MAF: variants seen among roughly 807,000 people sequenced by gnomAD.
MAF encodes transcription factor Maf.
Under a neutral mutation model 22.0 loss-of-function variants are expected in MAF, and 10 were observed. The ratio of observed to expected loss-of-function variants is 0.45; its 90% confidence interval spans 0.28 to 0.77. The LOEUF (loss-of-function observed/expected upper bound fraction) is 0.77, where lower values mean the gene tolerates loss of function less well. MAF is among the 30% of genes least tolerant of loss of function. The pLI, the probability that MAF is intolerant of heterozygous loss-of-function variation, is 0.12. For missense variants in MAF, 544 were observed against 548.4 expected (o/e 0.99, Z 0.08); for synonymous variants, 337 against 255.8 (o/e 1.32, Z -3.03).
At chr16:79,517,052 G>T in the MAF span, among the ~76,000 whole-genome samples, 19 of 152,112 alleles carry the variant, frequency 1.2e-4, no homozygotes, top group African/African-American at 3.6e-4. Context: ...CAGGACCATA[G>T]CACACTGCTC....
At chr16:79,311,546 C>T in the MAF span, among the ~76,000 whole-genome samples, 1 of 151,094 alleles carries the variant, frequency 6.6e-6, no homozygotes, top group Non-Finnish European at 1.5e-5. Context: ...GCTTTCACTG[C>T]AGGCTTTGGA....
the MAF span, among the ~76,000 whole-genome samples, chr16:79,497,312 G>A: frequency 6.6e-6 from 1 of 152,268 alleles, no homozygotes; most frequent in East Asian, 1.9e-4. Context: ...TCTCCCCTTA[G>A]AAGGCACCCT....
At chr16:79,212,681 G>GTATTGTTTCTTTA in the MAF span, 1 of 152,098 alleles carries the variant, frequency 6.6e-6, no homozygotes, top group Non-Finnish European at 1.5e-5. Flanking sequence ...CCTGAAGTTT[G>GTATTGTTTCTTTA]TATTGTTTCT....
chr16:79,451,463 A>C, the MAF span, among the ~76,000 whole-genome samples: 6 of 152,168 alleles, frequency 3.9e-5, no homozygotes, highest in Non-Finnish European at 1.5e-5. Flanking sequence ...AATTGTTCAA[A>C]AGAGGAAGTC....
At chr16:79,450,684 C>T in the MAF span, among the ~76,000 whole-genome samples, 2 of 151,552 alleles carry the variant, frequency 1.3e-5, no homozygotes, top group African/African-American at 4.9e-5. Flanking sequence ...TCCTATTTTA[C>T]AAAGAAAGTG....
chr16:79,232,646 TAAATC>T, the MAF span, among the ~76,000 whole-genome samples: 1 of 151,898 alleles, frequency 6.6e-6, no homozygotes, highest in African/African-American at 2.4e-5. Context: ...GGTTAGAAGT[TAAATC>T]AAAATAAAAA....
chr16:79,494,822 G>C, the MAF span, among the ~76,000 whole-genome samples: 2 of 152,110 alleles, frequency 1.3e-5, no homozygotes, highest in African/African-American at 4.8e-5. Flanking sequence ...TGGGCCTCTG[G>C]GACATCTGAC....
chr16:79,563,813 T>C, the MAF span, among the ~76,000 whole-genome samples: 1 of 152,090 alleles, frequency 6.6e-6, no homozygotes, highest in African/African-American at 2.4e-5. Context: ...TTTTCATATC[T>C]GATTCCTTAC....
the MAF span, among the ~76,000 whole-genome samples, chr16:79,438,859 G>A: frequency 1.3e-5 from 2 of 152,104 alleles, no homozygotes; most frequent in African/African-American, 4.8e-5. Context: ...TGTGCGCTCT[G>A]CCACACTTCA....
At chr16:79,408,322 G>T in the MAF span, among the ~76,000 whole-genome samples, 6 of 151,924 alleles carry the variant, frequency 3.9e-5, no homozygotes, top group Admixed American at 6.6e-5. Flanking sequence ...GATTACAGGT[G>T]CCTGCCACCA....
At chr16:79,598,686 G>T in intron 1 of MAF, 99 bp downstream of exon 1, 1 of 1,568,298 alleles carries the variant, frequency 6.4e-7, no homozygotes, top group Non-Finnish European at 8.6e-7. Context: ...TGGTGAGGTG[G>T]TGGCGAGCAT....
At chr16:79,328,051 AC>A in the MAF span, among the ~76,000 whole-genome samples, 2 of 152,144 alleles carry the variant, frequency 1.3e-5, no homozygotes, top group South Asian at 2.1e-4. Flanking sequence ...AGAATTCCCA[AC>A]CCTGTGAGTT....
At chr16:79,563,406 G>C in the MAF span, among the ~76,000 whole-genome samples, 1 of 151,680 alleles carries the variant, frequency 6.6e-6, no homozygotes, top group Non-Finnish European at 1.5e-5. Flanking sequence ...TTTCTGTTAA[G>C]TACATCTTTA....
chr16:79,552,072 A>G, the MAF span, among the ~76,000 whole-genome samples: 8 of 151,804 alleles, frequency 5.3e-5, no homozygotes, highest in Non-Finnish European at 7.4e-5. Flanking sequence ...AAGACCTGAA[A>G]CCTAACCGCC....
At chr16:79,442,888 C>G in the MAF span, among the ~76,000 whole-genome samples, 3 of 152,176 alleles carry the variant, frequency 2.0e-5, no homozygotes, top group Admixed American at 2.0e-4. Context: ...GTAATGGGTA[C>G]TCAGACAGTG....
the MAF span, among the ~76,000 whole-genome samples, chr16:79,450,749 T>A: frequency 6.6e-6 from 1 of 151,882 alleles, no homozygotes; most frequent in South Asian, 2.1e-4. Context: ...ATCAGAATTG[T>A]GGCCCATGGA....
At chr16:79,481,158 G>A in the MAF span, among the ~76,000 whole-genome samples, 2 of 151,658 alleles carry the variant, frequency 1.3e-5, no homozygotes, top group South Asian at 2.1e-4. Context: ...GTACACACCT[G>A]TTCAATCACT....
the MAF span, among the ~76,000 whole-genome samples, chr16:79,547,501 C>T: frequency 7.5e-3 from 1,135 of 152,180 alleles, 6 homozygotes; most frequent in Non-Finnish European, 0.01. Context: ...CAACCCCTGA[C>T]ACACTTGACT....
chr16:79,472,775 T>C, the MAF span, among the ~76,000 whole-genome samples: 1 of 152,024 alleles, frequency 6.6e-6, no homozygotes, highest in East Asian at 1.9e-4. Flanking sequence ...TATAGTAATG[T>C]ATATAAATTG....
Sources: allele counts gnomAD v4.1 joint callset (sites outside exome capture counted in the v4.1 genomes callset), GRCh38; gene constraint gnomAD v4.1.1; transcripts MANE v1.5; gene names NCBI Gene and HGNC (gene_info 2026-07-23, HGNC 2026-07-21).